SHOC1: variants seen among roughly 807,000 people sequenced by gnomAD.
SHOC1 encodes protein shortage in chiasmata 1 ortholog.
Under a neutral mutation model 179.2 loss-of-function variants are expected in SHOC1, and 136 were observed. The observed-to-expected ratio is 0.76, with a 90% CI of 0.66 to 0.87. The LOEUF (loss-of-function observed/expected upper bound fraction) is 0.87, where lower values mean the gene tolerates loss of function less well. SHOC1 is among the 40% of genes least tolerant of loss of function. The pLI, the probability that SHOC1 is intolerant of heterozygous loss-of-function variation, is 0.00. For synonymous variants in SHOC1, 489 were observed against 586.6 expected (o/e 0.83, Z 2.41); for missense variants, 1,538 against 1,700.8 (o/e 0.90, Z 1.68).
chr9:111,699,670 C>G (rs1831871894), intron 24 of SHOC1, among the ~76,000 whole-genome samples: 1 of 152,086 alleles, frequency 6.6e-6, no homozygotes, highest in African/African-American at 2.4e-5. Flanking sequence ...TCATAAGGAA[C>G]ATTTTTAATC....
At chr9:111,706,108 G>A (rs1832262176) in intron 20 of SHOC1, among the ~76,000 whole-genome samples, 1 of 152,038 alleles carries the variant, frequency 6.6e-6, no homozygotes, top group Admixed American at 6.5e-5. Context: ...CACAGCCTTA[G>A]TCATGACTGA....
Position 111,693,784 on chromosome 9 carries a change from T to A in SHOC1, c.3465+15A>T, listed in dbSNP as rs199910267. The A allele has an allele frequency of 5.9e-5, 93 of 1,575,240 alleles. No homozygotes were observed. The highest frequency in any genetic ancestry group is 8.0e-5 in the Non-Finnish European group (92 of 1,152,740). On this transcript the variant is annotated intron_variant, in intron 26 of 27. Transcript: ENST00000682961. ...AAATAAATTCATATCATAGTACAGA[T>A]CTCAAATAACTAACCTTTAACACTT...
At chr9:111,739,697 C>T (rs1001434742) in intron 11 of SHOC1, among the ~76,000 whole-genome samples, 10 of 152,028 alleles carry the variant, frequency 6.6e-5, no homozygotes, top group African/African-American at 1.9e-4. Context: ...TAATACAAGA[C>T]GTCTTGTTCC....
At chr9:111,729,634 C>T (rs1030693814) in intron 12 of SHOC1, among the ~76,000 whole-genome samples, 5 of 152,214 alleles carry the variant, frequency 3.3e-5, no homozygotes, top group Non-Finnish European at 7.3e-5. Flanking sequence ...TGGCTCATGC[C>T]TATAATCCCA....
intron 3 of SHOC1, among the ~76,000 whole-genome samples, chr9:111,782,590 C>G (rs1229785309): frequency 6.6e-6 from 1 of 152,012 alleles, no homozygotes; most frequent in Non-Finnish European, 1.5e-5. Context: ...AAAAAAATCA[C>G]CCAGCCGTGC....
chr9:111,703,295 G>A (rs1176475046), intron 22 of SHOC1, among the ~76,000 whole-genome samples: 1 of 151,910 alleles, frequency 6.6e-6, no homozygotes, highest in Non-Finnish European at 1.5e-5. Context: ...TATTTATACT[G>A]CATATCATCA....
Position 111,713,105 on chromosome 9 carries a change from A to G in SHOC1, c.2483T>C (p.Ile828Thr), listed in dbSNP as rs1832627265. ...KHFLIKILNKIEGLTLTVLHS... is the reference protein window; with the variant it reads ...KHFLIKILNKTEGLTLTVLHS... ...CATAATTTAAAACTGCCTACCTTCT[A>G]TTTTGTTAAGAATTTTAATGAGAAA... Residue 828 changes from isoleucine to threonine, a missense_variant, in exon 18 of 28, where the codon ATA (isoleucine) becomes ACA (threonine). Transcript: ENST00000682961. The G allele has an allele frequency of 6.4e-7, 1 of 1,554,544 alleles. No homozygotes were observed.
chr9:111,705,917 A>G (rs1383802843), intron 20 of SHOC1, among the ~76,000 whole-genome samples: 1 of 152,094 alleles, frequency 6.6e-6, no homozygotes, highest in Admixed American at 6.5e-5. Context: ...TCAATTCCAA[A>G]TAAACCATTA....
At chr9:111,741,407 C>T in intron 11 of SHOC1, 69 bp downstream of exon 11, 1 of 851,822 alleles carries the variant, frequency 1.2e-6, no homozygotes, top group African/African-American at 1.7e-5. Context: ...AAGGATATCC[C>T]ACATTTCTAC....
rs753408530 is a variant in SHOC1 at position 111,700,676 on chromosome 9, G to A, written c.3090-629C>T. 2.0e-5 allele frequency among the ~76,000 whole-genome samples: 3 copies of A among 151,900 alleles called. No individual in the cohort carries two copies. In the East Asian group the frequency reaches 5.8e-4, roughly 29 times the overall value. On this transcript the variant is annotated intron_variant, in intron 23 of 27. Transcript: ENST00000682961. The stretch of plus-strand genomic sequence containing the variant: ...AAGATAATGGCTCTCTTTATTTCTC[G>A]GCTCTTCTTTCCTGTTTTGGATTCT...
chr9:111,705,275 G>C lies in SHOC1; in HGVS notation c.2827C>G (p.Pro943Ala), dbSNP rs561422391. ...GATTCTAGCAGCTGAAGTATGTCTGGAGTATTAAGAAGTCCTTCAGATGCA... is the reference window on the plus strand; with the variant it reads ...GATTCTAGCAGCTGAAGTATGTCTGCAGTATTAAGAAGTCCTTCAGATGCA... ...FFASEGLLNT[P>A]DILQLLESNY... The change falls in exon 21 of 28, where the codon CCA (proline) becomes GCA (alanine). Residue 943 changes from proline (P) to alanine (A), a missense_variant. Transcript: ENST00000682961. The C allele has an allele frequency of 2.0e-5, 32 of 1,567,634 alleles. 1 individual carries two copies. In the South Asian group the frequency reaches 3.6e-4, roughly 18 times the overall value.
Position 111,775,867 on chromosome 9 carries a change from G to A in SHOC1, c.366C>T (p.Thr122=). The A allele has an allele frequency of 2.5e-6, 4 of 1,613,668 alleles. No homozygotes were observed. Among genetic ancestry groups the A allele is most frequent in the Non-Finnish European group, 3.4e-6 (4 of 1,179,782 alleles). Reference sequence around the variant, plus strand: ...TAAAGACTTCATTGTAGTCCATGTGGGTGTATAAACTGACCTCCTCTACTT... The same window carrying A: ...TAAAGACTTCATTGTAGTCCATGTGAGTGTATAAACTGACCTCCTCTACTT... ...QIEVEEVSLY[T]HMDYNEVFTP... is the part of the protein sequence containing the mutation. Residue 122 remains threonine (T), a synonymous_variant, in exon 5 of 28, where the codon ACC becomes ACT. Transcript: ENST00000682961.
At chr9:111,701,026 C>G (rs1487012098) in intron 23 of SHOC1, among the ~76,000 whole-genome samples, 1 of 152,130 alleles carries the variant, frequency 6.6e-6, no homozygotes, top group Non-Finnish European at 1.5e-5. Flanking sequence ...GCCCCATGAG[C>G]TTTTTTCCTT....
rs375052823 is a variant in SHOC1 at position 111,702,057 on chromosome 9, G to C, written c.3089+48C>G. On this transcript the variant is annotated intron_variant, in intron 23 of 27. Coordinates refer to ENST00000682961, the MANE Select transcript of SHOC1 (RefSeq NM_001378211.1). Reference sequence around the variant, plus strand: ...ATTTCCATTCAAATAAGAGGACTTAGGATTAAGAAATACGAACATAACTTT... The same window carrying C: ...ATTTCCATTCAAATAAGAGGACTTACGATTAAGAAATACGAACATAACTTT... 5.6e-5 allele frequency: 76 copies of C among 1,349,786 alleles called. No individual in the cohort carries two copies. In the African/African-American group the frequency reaches 1.1e-3, roughly 20 times the overall value. The allele number at this position is 1,349,786 out of a possible 1,614,324, so 83.6% of individuals were successfully genotyped here.
chr9:111,687,439 C>T (rs1037697472), intron 27 of SHOC1, among the ~76,000 whole-genome samples: 1 of 152,142 alleles, frequency 6.6e-6, no homozygotes, highest in Non-Finnish European at 1.5e-5. Flanking sequence ...TATGCTCATG[C>T]CTTGTACAAA....
chr9:111,780,984 G>T lies in SHOC1; in HGVS notation c.203C>A (p.Thr68Asn), dbSNP rs779034256. 3.1e-6 allele frequency: 5 copies of T among 1,613,354 alleles called. No homozygotes were observed. The South Asian group carries it at 4.4e-5, about 14-fold the overall frequency. ...TGCTTTCCATTGGTCCAAGACTGAG[G>T]TATCTGTCATTCCCGGAACTGAAAC... ...SAVSVPGMTD[T>N]SVLDQWKASF... The change falls in exon 4 of 28, where the codon ACC (threonine) becomes AAC (asparagine). Residue 68 changes from threonine to asparagine, a missense_variant. Coordinates refer to ENST00000682961, the MANE Select transcript of SHOC1 (RefSeq NM_001378211.1).
intron 18 of SHOC1, among the ~76,000 whole-genome samples, chr9:111,709,648 CAA>C (rs1832445824): frequency 2.6e-5 from 4 of 151,988 alleles, no homozygotes; most frequent in Admixed American, 2.0e-4. Flanking sequence ...TCCTGAATGC[CAA>C]AAGAGACAGG....
chr9:111,745,561 C>T (rs1369012285), intron 10 of SHOC1, among the ~76,000 whole-genome samples: 1 of 152,060 alleles, frequency 6.6e-6, no homozygotes, highest in Non-Finnish European at 1.5e-5. Context: ...CTTATAAGAA[C>T]AGGAGATTGG....
chr9:111,686,624 A>G lies in SHOC1; in HGVS notation c.*146T>C, dbSNP rs1481225458. 1 of 567,240 alleles carries G rather than the reference A, an allele frequency of 1.8e-6. No individual in the cohort carries two copies. Among genetic ancestry groups the G allele is most frequent in the Non-Finnish European group, 3.2e-6 (1 of 316,328 alleles). 35.1% of individuals were successfully genotyped at this position (567,240 alleles called of 1,614,324 possible). Reference sequence around the variant, plus strand: ...AGATGCAAACCATAGGGCAGAATACATATTATGAATATTTAATACAGAAAT... The same window carrying G: ...AGATGCAAACCATAGGGCAGAATACGTATTATGAATATTTAATACAGAAAT... On this transcript the variant is annotated 3_prime_UTR_variant, in exon 28 of 28. Coordinates refer to ENST00000682961, the MANE Select transcript of SHOC1 (RefSeq NM_001378211.1).
Sources: gnomAD v4.1 joint callset for allele counts (sites outside exome capture counted in the v4.1 genomes callset) on GRCh38, gnomAD v4.1.1 for gene constraint, MANE v1.5 for transcripts, NCBI Gene and HGNC (gene_info 2026-07-23, HGNC 2026-07-21) for gene names.